Variants in ELOVL6 observed in about 807,000 individuals in gnomAD.
The protein encoded by ELOVL6 is very long chain fatty acid elongase 6.
A neutral mutation model predicts 31.7 loss-of-function variants in ELOVL6; 8 were observed. That is an observed-to-expected ratio of 0.25 (90% CI 0.15 to 0.45). The LOEUF (loss-of-function observed/expected upper bound fraction) is 0.45, where lower values mean the gene tolerates loss of function less well. Among genes scored for constraint, ELOVL6 ranks in the 20% least tolerant of loss-of-function variants. The probability of loss-of-function intolerance (pLI) is 1.00; values close to 1 mark genes in which losing one functional copy is unlikely to be tolerated. For synonymous variants in ELOVL6, 101 were observed against 117.7 expected (o/e 0.86, Z 0.92); for missense variants, 126 against 326.4 (o/e 0.39, Z 4.73).
chr4:110,114,084 C>T (rs1253513864), intron 1 of ELOVL6, among the ~76,000 whole-genome samples: 1 of 152,066 alleles, frequency 6.6e-6, no homozygotes, highest in Non-Finnish European at 1.5e-5. Context: ...GACTCCATCC[C>T]TTGAAAACGA....
At chr4:110,094,221 C>G (rs1004067379) in intron 2 of ELOVL6, among the ~76,000 whole-genome samples, 1 of 148,022 alleles carries the variant, frequency 6.8e-6, no homozygotes, top group Non-Finnish European at 1.5e-5. Context: ...TGCACTCCAG[C>G]CTGGGCAATA....
At chr4:110,193,820 T>C (rs764266646) in intron 1 of ELOVL6, among the ~76,000 whole-genome samples, 3 of 152,050 alleles carry the variant, frequency 2.0e-5, no homozygotes. Flanking sequence ...CAGAAAAATA[T>C]ATAAAGCTTT....
At chr4:110,077,868 A>C (rs1755695758) in intron 2 of ELOVL6, among the ~76,000 whole-genome samples, 1 of 152,200 alleles carries the variant, frequency 6.6e-6, no homozygotes, top group South Asian at 2.1e-4. Context: ...GGCTAACTAG[A>C]ATAACTAATG....
chr4:110,051,408 A>G lies in ELOVL6; in HGVS notation c.728T>C (p.Leu243Pro). 1 of 1,614,214 alleles carries G rather than the reference A, an allele frequency of 6.2e-7. No homozygotes were observed. The highest frequency in any genetic ancestry group is 8.5e-7 in the Non-Finnish European group (1 of 1,180,024). ...FWSSLMYLSY[L>P]VLFCHFFFEA... Reference sequence around the variant, plus strand: ...AAAGAAGAAATGGCAGAAGAGCACAAGGTAGCTGAGGTACATGAGTGAGGA... The same window carrying G: ...AAAGAAGAAATGGCAGAAGAGCACAGGGTAGCTGAGGTACATGAGTGAGGA... The change falls in exon 4 of 4, where the codon CTT becomes CCT. Residue 243 changes from leucine to proline, a missense_variant. This residue lies in a region of ELOVL6 where 57 missense variants were observed against 110.2 expected (regional missense o/e 0.52). Coordinates refer to ENST00000302274, the MANE Select transcript of ELOVL6 (RefSeq NM_024090.3). The surrounding 1 kb of genome is among the most constrained non-coding windows in gnomAD (Gnocchi z 4.8).
chr4:110,097,040 G>A (rs1443608556), intron 2 of ELOVL6, among the ~76,000 whole-genome samples: 1 of 152,094 alleles, frequency 6.6e-6, no homozygotes, highest in East Asian at 1.9e-4. Flanking sequence ...GGGCGCAGTG[G>A]CTCACCCCTG....
intron 1 of ELOVL6, among the ~76,000 whole-genome samples, chr4:110,114,609 C>G (rs990098471): frequency 2.6e-5 from 4 of 152,236 alleles, no homozygotes; most frequent in Admixed American, 2.6e-4. Flanking sequence ...TCATCCTTCC[C>G]CTATGGATGA....
chr4:110,175,473 T>TA (rs1448931490), intron 1 of ELOVL6, among the ~76,000 whole-genome samples: 2 of 152,126 alleles, frequency 1.3e-5, no homozygotes, highest in East Asian at 3.9e-4. Context: ...TGAGATAAAG[T>TA]AAATGTAGTG....
chr4:110,079,927 G>C (rs1488207703), intron 2 of ELOVL6, among the ~76,000 whole-genome samples: 1 of 152,142 alleles, frequency 6.6e-6, no homozygotes, highest in Non-Finnish European at 1.5e-5. Context: ...CGATCCCACA[G>C]AAATACAAAC....
intron 2 of ELOVL6, among the ~76,000 whole-genome samples, chr4:110,079,027 C>T (rs1207918235): frequency 1.3e-5 from 2 of 152,142 alleles, no homozygotes; most frequent in Non-Finnish European, 2.9e-5. Flanking sequence ...ATCAATTCAA[C>T]AAGAAGAGAT....
chr4:110,116,515 A>G (rs1236632014), intron 1 of ELOVL6, among the ~76,000 whole-genome samples: 1 of 152,246 alleles, frequency 6.6e-6, no homozygotes, highest in Non-Finnish European at 1.5e-5. Context: ...GACTTACTGT[A>G]TCCTTTACAA....
chr4:110,084,560 A>ATATTTT (rs1274237811), intron 2 of ELOVL6, among the ~76,000 whole-genome samples: 1 of 48,854 alleles, frequency 2.0e-5, no homozygotes, highest in African/African-American at 1.5e-4. Context: ...ACACACACAC[A>ATATTTT]CAGATATATA....
intron 2 of ELOVL6, among the ~76,000 whole-genome samples, chr4:110,084,349 A>ATG (rs1756109258): frequency 8.1e-6 from 1 of 123,812 alleles, no homozygotes; most frequent in Non-Finnish European, 1.7e-5. Flanking sequence ...TATATGATAT[A>ATG]TGATATATAC....
intron 2 of ELOVL6, among the ~76,000 whole-genome samples, chr4:110,077,104 G>C (rs945304982): frequency 1.3e-5 from 2 of 152,178 alleles, no homozygotes; most frequent in African/African-American, 2.4e-5. Context: ...GCTCGAACTG[G>C]GTGGAGCCAA....
chr4:110,168,142 A>G (rs1258090356), intron 1 of ELOVL6, among the ~76,000 whole-genome samples: 1 of 152,048 alleles, frequency 6.6e-6, no homozygotes. Flanking sequence ...AAAAGTTAAA[A>G]CCCTTTGAGA....
chr4:110,096,898 C>T (rs1043042966), intron 2 of ELOVL6, among the ~76,000 whole-genome samples: 7 of 151,936 alleles, frequency 4.6e-5, no homozygotes, highest in African/African-American at 1.7e-4. Context: ...GGTTAACAGA[C>T]CAACAAAATT....
intron 2 of ELOVL6, among the ~76,000 whole-genome samples, chr4:110,061,076 T>A (rs1755123194): frequency 6.6e-6 from 1 of 152,216 alleles, no homozygotes; most frequent in Non-Finnish European, 1.5e-5. Context: ...TCAAATGGTG[T>A]TACTCTTTCC....
chr4:110,093,613 A>G (rs554363028), intron 2 of ELOVL6, among the ~76,000 whole-genome samples: 81 of 152,270 alleles, frequency 5.3e-4, no homozygotes, highest in African/African-American at 1.8e-3. Flanking sequence ...TCCTATTTCC[A>G]CCTTTGAAAA....
At chr4:110,097,987 T>C (rs992523641) in intron 2 of ELOVL6, among the ~76,000 whole-genome samples, 1 of 152,160 alleles carries the variant, frequency 6.6e-6, no homozygotes, top group South Asian at 2.1e-4. Context: ...ATGTGACATT[T>C]TACATTTTCG....
intron 2 of ELOVL6, among the ~76,000 whole-genome samples, chr4:110,069,581 G>A (rs900684756): frequency 6.6e-6 from 1 of 152,100 alleles, no homozygotes; most frequent in Non-Finnish European, 1.5e-5. Flanking sequence ...CACCTCATGG[G>A]GCACCATTAT....
Sources: gnomAD v4.1 joint callset for allele counts (sites outside exome capture counted in the v4.1 genomes callset) on GRCh38, gnomAD v4.1.1 for gene constraint, gnomAD v4.1.1 regional missense constraint, Gnocchi (gnomAD v3.1) non-coding constraint, MANE v1.5 for transcripts, NCBI Gene and HGNC (gene_info 2026-07-23, HGNC 2026-07-21) for gene names.